Variants in NFIB observed in about 807,000 individuals in gnomAD.
NFIB encodes the protein nuclear factor 1 B-type.
NFIB carries 11 observed loss-of-function variants against 61.5 expected under a neutral mutation model. The ratio of observed to expected loss-of-function variants is 0.18; its 90% confidence interval spans 0.11 to 0.30. The LOEUF is 0.30. NFIB is among the 10% of genes least tolerant of loss of function. The pLI is 1.00. For synonymous variants in NFIB, 260 were observed against 216.5 expected (o/e 1.20, Z -1.76); for missense variants, 471 against 608.9 (o/e 0.77, Z 2.38).
intron 1 of NFIB, among the ~76,000 whole-genome samples, chr9:14,390,059 C>A (rs924031338): frequency 1.3e-5 from 2 of 152,150 alleles, no homozygotes; most frequent in African/African-American, 4.8e-5. Flanking sequence ...AAAATCTGAT[C>A]TCAGGGACAG....
chr9:14,522,627 G>A, the NFIB span, among the ~76,000 whole-genome samples: 1 of 152,140 alleles, frequency 6.6e-6, no homozygotes, highest in Admixed American at 6.5e-5. Context: ...AAACTACCTG[G>A]AATTCTGGAA....
At chr9:14,299,292 A>T (rs2059621280) in intron 2 of NFIB, among the ~76,000 whole-genome samples, 1 of 152,178 alleles carries the variant, frequency 6.6e-6, no homozygotes, top group Non-Finnish European at 1.5e-5. Context: ...GTTTTTAAAA[A>T]AACAGTTCAT....
chr9:14,382,409 T>A (rs2061499595), intron 1 of NFIB, among the ~76,000 whole-genome samples: 1 of 152,026 alleles, frequency 6.6e-6, no homozygotes, highest in African/African-American at 2.4e-5. Context: ...GGTTCTTATT[T>A]ATTTGGAAGA....
At chr9:14,198,038 G>A (rs961488809) in intron 2 of NFIB, among the ~76,000 whole-genome samples, 4 of 152,170 alleles carry the variant, frequency 2.6e-5, no homozygotes, top group African/African-American at 4.8e-5. Flanking sequence ...CAGAATACAC[G>A]TTGCCCCCTA....
At chr9:14,186,770 T>TG (rs2047375950) in intron 2 of NFIB, among the ~76,000 whole-genome samples, 1 of 152,024 alleles carries the variant, frequency 6.6e-6, no homozygotes, top group African/African-American at 2.4e-5. Flanking sequence ...TGGCTTTTTT[T>TG]TTTCCAGCAC....
chr9:14,220,561 C>G (rs1156926976), intron 2 of NFIB, among the ~76,000 whole-genome samples: 2 of 152,140 alleles, frequency 1.3e-5, no homozygotes, highest in African/African-American at 4.8e-5. Context: ...TTCTTCTCTG[C>G]TATCTCTCTG....
At chr9:14,463,250 CA>C in the NFIB span, among the ~76,000 whole-genome samples, 1 of 151,376 alleles carries the variant, frequency 6.6e-6, no homozygotes, top group Non-Finnish European at 1.5e-5. Flanking sequence ...TGCAGCTACC[CA>C]GCAATAAATG....
At chr9:14,486,887 A>G in the NFIB span, among the ~76,000 whole-genome samples, 1 of 152,230 alleles carries the variant, frequency 6.6e-6, no homozygotes, top group Non-Finnish European at 1.5e-5. Context: ...TTTTAAAATT[A>G]TAAAAATGAT....
the NFIB span, among the ~76,000 whole-genome samples, chr9:14,481,834 T>C: frequency 6.6e-6 from 1 of 152,178 alleles, no homozygotes; most frequent in Non-Finnish European, 1.5e-5. Context: ...TCATGCTTTT[T>C]GGTCCCCAAC....
At chr9:14,368,764 G>A in intron 1 of NFIB, among the ~76,000 whole-genome samples, 1 of 151,840 alleles carries the variant, frequency 6.6e-6, no homozygotes, top group East Asian at 1.9e-4. Context: ...TGCTTTCAGA[G>A]AGAGAAGGTG....
chr9:14,160,596 C>A (rs887411095), intron 3 of NFIB, among the ~76,000 whole-genome samples: 3 of 152,004 alleles, frequency 2.0e-5, no homozygotes, highest in African/African-American at 7.2e-5. Flanking sequence ...TGGGAACAGG[C>A]CTAAAAAGGC....
intron 2 of NFIB, among the ~76,000 whole-genome samples, chr9:14,253,739 C>G (rs890983802): frequency 2.0e-5 from 3 of 152,056 alleles, no homozygotes; most frequent in Non-Finnish European, 4.4e-5. Flanking sequence ...TTTGAGACTA[C>G]GTAATAACCT....
chr9:14,167,879 C>G (rs1210366965), intron 3 of NFIB, among the ~76,000 whole-genome samples: 1 of 152,166 alleles, frequency 6.6e-6, no homozygotes, highest in South Asian at 2.1e-4. Flanking sequence ...AAGCAGCAAA[C>G]AGGACTTCTC....
chr9:14,348,765 C>G (rs1255043412), intron 1 of NFIB, among the ~76,000 whole-genome samples: 1 of 152,248 alleles, frequency 6.6e-6, no homozygotes, highest in Non-Finnish European at 1.5e-5. Flanking sequence ...TGCTCCCGCG[C>G]CTCTGCTCGC....
intron 3 of NFIB, among the ~76,000 whole-genome samples, chr9:14,165,783 T>TA (rs1434033418): frequency 6.6e-6 from 1 of 152,144 alleles, no homozygotes; most frequent in African/African-American, 2.4e-5. Flanking sequence ...TAATTCCACT[T>TA]ACATGAACTA....
intron 10 of NFIB, among the ~76,000 whole-genome samples, chr9:14,102,710 T>C (rs2035959823): frequency 6.6e-6 from 1 of 152,142 alleles, no homozygotes; most frequent in Non-Finnish European, 1.5e-5. Flanking sequence ...AAAAAGCTAT[T>C]GCAATATGCT....
At chr9:14,390,044 C>T (rs1301112621) in intron 1 of NFIB, among the ~76,000 whole-genome samples, 8 of 152,136 alleles carry the variant, frequency 5.3e-5, no homozygotes, top group Non-Finnish European at 1.2e-4. Flanking sequence ...GTCTTAAACC[C>T]TACCAAAATC....
At chr9:14,312,425 G>C (rs965129819) in intron 1 of NFIB, among the ~76,000 whole-genome samples, 1 of 152,198 alleles carries the variant, frequency 6.6e-6, no homozygotes, top group African/African-American at 2.4e-5. Context: ...TACCAATGGT[G>C]ACACATCTTC....
At chr9:14,472,830 G>T in the NFIB span, among the ~76,000 whole-genome samples, 2 of 151,766 alleles carry the variant, frequency 1.3e-5, no homozygotes, top group Non-Finnish European at 2.9e-5. Flanking sequence ...GACAGAGCGA[G>T]ACTCCGTCTC....
Sources: allele counts gnomAD v4.1 joint callset (sites outside exome capture counted in the v4.1 genomes callset), GRCh38; gene constraint gnomAD v4.1.1; transcripts MANE v1.5; gene names NCBI Gene and HGNC (gene_info 2026-07-23, HGNC 2026-07-21).